Variants in CACNB2 observed in about 807,000 individuals in gnomAD.
CACNB2 encodes voltage-dependent L-type calcium channel subunit beta-2.
In CACNB2, 42 loss-of-function variants were observed where a neutral mutation model predicts 73.3. The ratio of observed to expected loss-of-function variants is 0.57; its 90% CI spans 0.45 to 0.74. CACNB2 has a LOEUF of 0.74. Among genes scored for constraint, CACNB2 ranks in the 30% least tolerant of loss-of-function variants. CACNB2 has a pLI of 0.00. For missense variants in CACNB2, 940 were observed against 853.0 expected (o/e 1.10, Z -1.27); for synonymous variants, 348 against 310.3 (o/e 1.12, Z -1.28).
chr10:18,311,018 C>T (rs116871633), intron 2 of CACNB2, among the ~76,000 whole-genome samples: 2,242 of 152,072 alleles, frequency 0.015, 32 homozygotes, highest in Middle Eastern at 0.041. Context: ...CATTTCATTG[C>T]CTCATCAGTA....
chr10:18,498,619 T>G, intron 4 of CACNB2, 142 bp downstream of exon 4: 1 of 834,580 alleles, frequency 1.2e-6, no homozygotes, highest in Admixed American at 1.9e-5. Context: ...AATCAATGGC[T>G]CTCAACCTCT....
At chr10:18,246,294 C>T (rs1176341984) in intron 2 of CACNB2, among the ~76,000 whole-genome samples, 2 of 152,124 alleles carry the variant, frequency 1.3e-5, no homozygotes, top group African/African-American at 4.8e-5. Flanking sequence ...GTGCTCAGCA[C>T]ATAACAAGCA....
At chr10:18,296,150 A>G (rs1242301811) in intron 2 of CACNB2, among the ~76,000 whole-genome samples, 1 of 152,050 alleles carries the variant, frequency 6.6e-6, no homozygotes, top group Non-Finnish European at 1.5e-5. Context: ...TTTCACTGCA[A>G]CATCTAGATT....
intron 11 of CACNB2, 44 bp from the exon 12 acceptor site, chr10:18,536,057 T>A: frequency 3.4e-6 from 4 of 1,174,328 alleles, no homozygotes; most frequent in Non-Finnish European, 5.1e-6. Context: ...GTACTTTACC[T>A]GGATGTAGTT....
Position 18,140,579 on chromosome 10 carries a change from G to T in CACNB2, c.-158G>T. ...CGCACTGAGCGCCTGGCAGCAGGGC[G>T]CCGAGTCCCGGGGCGCTGCGGGGCG... On this transcript the variant is annotated 5_prime_UTR_variant, in exon 1 of 14. Transcript: ENST00000324631. The T allele has an allele frequency of 2.1e-6, 1 of 472,474 alleles. No homozygotes were observed. The highest frequency in any genetic ancestry group is 5.3e-5 in the South Asian group (1 of 18,826). 29.3% of individuals were successfully genotyped at this position (472,474 alleles called of 1,614,324 possible).
chr10:18,506,657 G>T (rs2133075054), intron 6 of CACNB2, 110 bp downstream of exon 6: 2 of 751,646 alleles, frequency 2.7e-6, no homozygotes, highest in Non-Finnish European at 4.8e-6. Flanking sequence ...TAACCCTACA[G>T]ATGTTAAAAG....
chr10:18,399,328 C>T (rs550537231), intron 2 of CACNB2, among the ~76,000 whole-genome samples: 4 of 152,260 alleles, frequency 2.6e-5, no homozygotes, highest in Admixed American at 6.5e-5. Flanking sequence ...TTTGCTTGAA[C>T]GAAGAGTTTG....
intron 3 of CACNB2, among the ~76,000 whole-genome samples, chr10:18,411,857 T>C (rs2044649630): frequency 6.6e-6 from 1 of 152,198 alleles, no homozygotes; most frequent in Admixed American, 6.5e-5. Context: ...TTACAATACA[T>C]ACAGCACTGA....
intron 2 of CACNB2, among the ~76,000 whole-genome samples, chr10:18,346,258 G>A (rs4748452): frequency 6.6e-6 from 1 of 151,860 alleles, no homozygotes; most frequent in African/African-American, 2.4e-5. Context: ...TCCTGCCTCA[G>A]CCTCTTGAGT....
intron 2 of CACNB2, among the ~76,000 whole-genome samples, chr10:18,379,195 T>A (rs1241275082): frequency 6.6e-6 from 1 of 152,124 alleles, no homozygotes; most frequent in Non-Finnish European, 1.5e-5. Flanking sequence ...TTTAACCACT[T>A]CTATTTATTT....
At chr10:18,257,825 C>G (rs1049801532) in intron 2 of CACNB2, among the ~76,000 whole-genome samples, 1 of 152,156 alleles carries the variant, frequency 6.6e-6, no homozygotes, top group Non-Finnish European at 1.5e-5. Context: ...CTCACTGCAA[C>G]CTCTGCCTCT....
intron 3 of CACNB2, among the ~76,000 whole-genome samples, chr10:18,455,076 C>T (rs12774837): frequency 0.1 from 15,198 of 149,688 alleles, 913 homozygotes; most frequent in Admixed American, 0.17. Flanking sequence ...TACTCATTGA[C>T]GTGAAAAGTC....
intron 2 of CACNB2, among the ~76,000 whole-genome samples, chr10:18,155,001 T>C (rs534020508): frequency 6.6e-6 from 1 of 152,316 alleles, no homozygotes; most frequent in African/African-American, 2.4e-5. Context: ...AGCAGACCAA[T>C]AGAGATTAAT....
chr10:18,425,989 A>C (rs922120840), intron 3 of CACNB2, among the ~76,000 whole-genome samples: 1 of 152,150 alleles, frequency 6.6e-6, no homozygotes, highest in African/African-American at 2.4e-5. Flanking sequence ...ATACTACCTG[A>C]ATTTCTGTAG....
intron 10 of CACNB2, among the ~76,000 whole-genome samples, chr10:18,529,048 T>G (rs2052743399): frequency 6.6e-6 from 1 of 152,130 alleles, no homozygotes; most frequent in South Asian, 2.1e-4. Flanking sequence ...CCCACGCTGG[T>G]CTCCAATTCC....
chr10:18,191,085 G>A (rs1003175342), intron 2 of CACNB2, among the ~76,000 whole-genome samples: 4 of 152,194 alleles, frequency 2.6e-5, no homozygotes, highest in African/African-American at 9.7e-5. Flanking sequence ...AACTGGGAGA[G>A]TGAAAATGGA....
chr10:18,158,423 A>G (rs891439794), intron 2 of CACNB2, among the ~76,000 whole-genome samples: 2 of 152,238 alleles, frequency 1.3e-5, no homozygotes, highest in Admixed American at 6.5e-5. Context: ...AAGAGATTCA[A>G]TACATAAAGC....
At chr10:18,526,208 A>C (rs1173959136) in intron 9 of CACNB2, among the ~76,000 whole-genome samples, 1 of 152,222 alleles carries the variant, frequency 6.6e-6, no homozygotes, top group Non-Finnish European at 1.5e-5. Context: ...TGGCAGTCAG[A>C]TTCCCCAGAG....
chr10:18,529,791 G>T (rs529616108), intron 10 of CACNB2, among the ~76,000 whole-genome samples: 1 of 152,170 alleles, frequency 6.6e-6, no homozygotes, highest in South Asian at 2.1e-4. Context: ...TTCGCTTATA[G>T]CAATTTCTTT....
Sources: gnomAD v4.1 joint callset for allele counts (sites outside exome capture counted in the v4.1 genomes callset) on GRCh38, gnomAD v4.1.1 for gene constraint, MANE v1.5 for transcripts, NCBI Gene and HGNC (gene_info 2026-07-23, HGNC 2026-07-21) for gene names.